Variants in NUP107 observed in about 807,000 individuals in gnomAD.
NUP107 encodes the protein nuclear pore complex protein Nup107.
Under a neutral mutation model 141.0 loss-of-function variants are expected in NUP107, and 101 were observed. The ratio of observed to expected loss-of-function variants is 0.72; its 90% CI spans 0.61 to 0.84. NUP107 has a LOEUF of 0.84. Among genes scored for constraint, NUP107 ranks in the 40% least tolerant of loss-of-function variants. NUP107 has a pLI of 0.00. For synonymous variants in NUP107, 319 were observed against 363.9 expected (o/e 0.88, Z 1.41); for missense variants, 941 against 1,102.7 (o/e 0.85, Z 2.08).
intron 26 of NUP107, among the ~76,000 whole-genome samples, chr12:68,735,762 T>C (rs1192887657): frequency 1.3e-5 from 2 of 152,170 alleles, no homozygotes; most frequent in Non-Finnish European, 2.9e-5. Flanking sequence ...CCAGAGATTA[T>C]GGTGTAATTG....
At chr12:68,695,497 A>G (rs1876007755) in intron 5 of NUP107, among the ~76,000 whole-genome samples, 1 of 152,210 alleles carries the variant, frequency 6.6e-6, no homozygotes, top group African/African-American at 2.4e-5. Context: ...ACATTATGCT[A>G]AGTGAAATAA....
chr12:68,730,214 CTTTTTT>C (rs756700880), intron 20 of NUP107, among the ~76,000 whole-genome samples: 4 of 85,374 alleles, frequency 4.7e-5, no homozygotes, highest in African/African-American at 8.6e-5. Context: ...GTGATACTAC[CTTTTTT>C]TTTTTTTTTT....
rs1343800403 is a variant in NUP107, at chr12:68,721,899, T to A, written c.1370T>A (p.Val457Glu). 1 of 1,614,120 alleles carries A rather than the reference T, an allele frequency of 6.2e-7. No individual in the cohort carries two copies. Among genetic ancestry groups the A allele is most frequent in the East Asian group, 2.2e-5 (1 of 44,886 alleles). ...GTTTGGGCCTACTTCCGGGTGATGG[T>A]GGACAGTCTGGTAGAACAGGAGATC... is the stretch of plus-strand genomic sequence containing the variant. Reference protein sequence around the residue: ...DTVWAYFRVMVDSLVEQEIQT... With the variant: ...DTVWAYFRVMEDSLVEQEIQT... Residue 457 changes from valine to glutamate, a missense_variant, in exon 16 of 28, where the codon GTG becomes GAG. Physicochemically the swap from Val to Glu is moderately radical, Grantham distance 121. Coordinates refer to ENST00000229179, the MANE Select transcript of NUP107 (RefSeq NM_020401.4).
chr12:68,691,202 C>T (rs1301928303), intron 4 of NUP107, among the ~76,000 whole-genome samples: 1 of 152,150 alleles, frequency 6.6e-6, no homozygotes, highest in South Asian at 2.1e-4. Context: ...CCTTATGCAT[C>T]TGATATCACA....
rs143449742 is a variant in NUP107 at position 68,702,724 on chromosome 12, A to G, written c.681-12A>G. ...AAATAAGGCTTTTTTATTTTGTCTT[A>G]TTTTTCCCCAGAGACAGAATACAGT... On this transcript the variant is annotated splice_polypyrimidine_tract_variant and intron_variant, in intron 7 of 27. Coordinates refer to ENST00000229179, the MANE Select transcript of NUP107 (RefSeq NM_020401.4). 861 of 1,526,174 alleles carry G rather than the reference A, an allele frequency of 5.6e-4. 4 individuals are homozygous for G. The African/African-American group carries it at 0.011, about 20-fold the overall frequency. The allele number at this position is 1,526,174 out of a possible 1,614,324, so 94.5% of individuals were successfully genotyped here.
At chr12:68,734,916 A>T (rs1878002164) in intron 25 of NUP107, 83 bp downstream of exon 25, 2 of 1,437,786 alleles carry the variant, frequency 1.4e-6, no homozygotes, top group Admixed American at 2.1e-5. Context: ...TTCTTCAGCA[A>T]CTATCTTTCG....
At chr12:68,739,006 T>C (rs1487998336) in intron 26 of NUP107, among the ~76,000 whole-genome samples, 1 of 152,162 alleles carries the variant, frequency 6.6e-6, no homozygotes, top group South Asian at 2.1e-4. Flanking sequence ...TGTGTCCTAC[T>C]GCTCTCCCAT....
chr12:68,736,035 G>A (rs542971194), intron 26 of NUP107, among the ~76,000 whole-genome samples: 43 of 152,268 alleles, frequency 2.8e-4, no homozygotes, highest in South Asian at 1.4e-3. Context: ...GAGAAAGGAA[G>A]GATACTGAGA....
chr12:68,715,510 A>G (rs1565695334), intron 11 of NUP107, 117 bp from the exon 12 acceptor site: 18 of 673,040 alleles, frequency 2.7e-5, no homozygotes, highest in Non-Finnish European at 1.6e-5. Context: ...GAAAAAAGAA[A>G]AAATGAATTT....
chr12:68,691,990 A>C lies in NUP107; in HGVS notation c.326A>C (p.Asn109Thr). 1 of 1,602,558 alleles carries C rather than the reference A, an allele frequency of 6.2e-7. No homozygotes were observed. Among genetic ancestry groups the C allele is most frequent in the Non-Finnish European group, 8.5e-7 (1 of 1,177,076 alleles). The change falls in exon 5 of 28, where the codon AAC becomes ACC. Residue 109 changes from asparagine to threonine, a missense_variant. Asn to Thr is a moderately conservative substitution (Grantham distance 65). Transcript: ENST00000229179. ...AAGGTTACTAATCTGGATGACAGTA[A>C]CTGGGCAGCTGCATTTTCATCACAG... is the stretch of plus-strand genomic sequence containing the variant. Reference protein sequence around the residue: ...LSMVTNLDDSNWAAAFSSQRS... With the variant: ...LSMVTNLDDSTWAAAFSSQRS...
intron 26 of NUP107, among the ~76,000 whole-genome samples, chr12:68,735,994 A>C (rs981876452): frequency 6.6e-6 from 1 of 152,218 alleles, no homozygotes; most frequent in Non-Finnish European, 1.5e-5. Flanking sequence ...AATCTTGAAC[A>C]TACTGGTAGA....
chr12:68,731,895 T>C (rs1877848179), intron 22 of NUP107, among the ~76,000 whole-genome samples, 176 bp downstream of exon 22: 1 of 152,208 alleles, frequency 6.6e-6, no homozygotes, highest in South Asian at 2.1e-4. Flanking sequence ...TTACTTATAG[T>C]AGTATGTTAA....
intron 8 of NUP107, among the ~76,000 whole-genome samples, chr12:68,705,247 T>C (rs933084245): frequency 2.6e-5 from 4 of 152,220 alleles, no homozygotes; most frequent in African/African-American, 7.2e-5. Flanking sequence ...GCTCACTTAC[T>C]AGTTTTAATA....
rs1481642184 is a variant in NUP107, at chr12:68,726,066, G to A, written c.1576+270G>A. Among the ~76,000 whole-genome samples, 3 of 151,856 alleles carry A rather than the reference G, an allele frequency of 2.0e-5. No homozygotes were observed. The East Asian group carries it at 5.8e-4, about 29-fold the overall frequency. The stretch of plus-strand genomic sequence containing the variant: ...GCCAGGCTGGTCTCCAACTCCTGAC[G>A]TCAGGTGATCTTCCCTCCCTGGCCT... On this transcript the variant is annotated intron_variant, in intron 18 of 27. Transcript: ENST00000229179.
chr12:68,742,120 G>A, intron 27 of NUP107, 140 bp downstream of exon 27: 2 of 784,544 alleles, frequency 2.5e-6, no homozygotes, highest in Non-Finnish European at 2.0e-6. Context: ...ATGTTTTAAT[G>A]TTTGTACTTT....
rs557027775 is a variant in NUP107 at position 68,726,636 on chromosome 12, TTTC to T, written c.1695+27_1695+29del. ...GACCAAGGTATATAAAAATGAACGATTTCTTCTTCTCTGTAATGTTGATGCTAT... is the reference window on the plus strand; with the variant it reads ...GACCAAGGTATATAAAAATGAACGATTTCTTCTCTGTAATGTTGATGCTAT... On this transcript the variant is annotated intron_variant, in intron 19 of 27. Transcript: ENST00000229179. 9 of 1,430,396 alleles carry T rather than the reference TTTC, an allele frequency of 6.3e-6. No homozygotes were observed. The highest frequency in any genetic ancestry group is 4.6e-5 in the East Asian group (2 of 43,946). The allele number at this position is 1,430,396 out of a possible 1,614,324, so 88.6% of individuals were successfully genotyped here. A position where few individuals can be genotyped will look rare whatever the true frequency, so the allele number is the denominator to read the frequency against.
chr12:68,690,759 A>T lies in NUP107; in HGVS notation c.303+13A>T. 2 of 1,613,746 alleles carry T rather than the reference A, an allele frequency of 1.2e-6. No individual in the cohort carries two copies. The highest frequency in any genetic ancestry group is 1.7e-6 in the Non-Finnish European group (2 of 1,179,788). On this transcript the variant is annotated intron_variant, in intron 4 of 27. Transcript: ENST00000229179. ...AAATCTCTCCATGGTATGTAGAAAA[A>T]TAGGGCTAAGAACTCCTTTTGGGTC...
At chr12:68,723,369 C>A (rs924389880) in intron 17 of NUP107, among the ~76,000 whole-genome samples, 8 of 151,374 alleles carry the variant, frequency 5.3e-5, no homozygotes, top group African/African-American at 1.9e-4. Flanking sequence ...ACTACTGCAC[C>A]CCAGCCTGGG....
At chr12:68,691,928 A>T (rs765657808) in intron 4 of NUP107, 40 bp from the exon 5 acceptor site, 2 of 1,527,106 alleles carry the variant, frequency 1.3e-6, no homozygotes, top group East Asian at 4.6e-5. Context: ...CAATAACTCC[A>T]TCACTTTTCT....
Sources: gnomAD v4.1 joint callset for allele counts (sites outside exome capture counted in the v4.1 genomes callset) on GRCh38, gnomAD v4.1.1 for gene constraint, MANE v1.5 for transcripts, NCBI Gene and HGNC (gene_info 2026-07-23, HGNC 2026-07-21) for gene names.